MYO1H: variants seen among roughly 807,000 people sequenced by gnomAD.
The protein encoded by MYO1H is unconventional myosin-Ih.
A neutral mutation model predicts 149.3 loss-of-function variants in MYO1H; 118 were observed. The observed-to-expected ratio is 0.79, with a 90% CI of 0.68 to 0.92. The LOEUF (loss-of-function observed/expected upper bound fraction) is 0.92, where lower values mean the gene tolerates loss of function less well. Among genes scored for constraint, MYO1H ranks in the 40% least tolerant of loss-of-function variants. The pLI, the probability that MYO1H is intolerant of heterozygous loss-of-function variation, is 0.00. For missense variants in MYO1H, 1,212 were observed against 1,280.7 expected, an observed-to-expected ratio of 0.95 and a Z score of 0.82; for synonymous variants, 447 against 465.2, an observed-to-expected ratio of 0.96 and a Z score of 0.50.
intron 5 of MYO1H, among the ~76,000 whole-genome samples, chr12:109,399,366 C>A (rs555768388): frequency 3.9e-4 from 57 of 145,904 alleles, no homozygotes; most frequent in Non-Finnish European, 7.1e-4. Flanking sequence ...CCGAGGTGGG[C>A]AGATCACCCG....
rs563872079 is a variant in MYO1H, at chr12:109,394,527, C to A, written c.290+1081C>A. 1.5e-3 allele frequency among the ~76,000 whole-genome samples: 221 copies of A among 152,144 alleles called. 1 individual carries two copies. Among genetic ancestry groups the A allele is most frequent in the African/African-American group, 5.1e-3 (213 of 41,512 alleles). ...AACCCATATTTTCTGCTAAATAATG[C>A]CATTTGTTTGTCACTATGCCTGATT... On this transcript the variant is annotated intron_variant, in intron 3 of 31. Transcript: ENST00000310903.
the MYO1H span, among the ~76,000 whole-genome samples, chr12:109,313,580 A>T: frequency 2.6e-5 from 4 of 152,112 alleles, no homozygotes; most frequent in African/African-American, 7.2e-5. Flanking sequence ...AGGATGCTAA[A>T]CCCTTGGATG....
At chr12:109,365,319 G>T (rs867366988) in intron 1 of MYO1H, among the ~76,000 whole-genome samples, 1 of 152,274 alleles carries the variant, frequency 6.6e-6, no homozygotes. Context: ...ACAGGAACCA[G>T]CAACTGAACT....
rs139311012 is a variant in MYO1H at position 109,358,385 on chromosome 12, G to A, written c.12+10413G>A. On this transcript the variant is annotated intron_variant, in intron 1 of 31. Transcript: ENST00000310903. Reference sequence around the variant, plus strand: ...GAAACAATAATCTACCCTTTTTGACGGTATAATCAAGTTGATCTCTTTTGG... The same window carrying A: ...GAAACAATAATCTACCCTTTTTGACAGTATAATCAAGTTGATCTCTTTTGG... Among the ~76,000 whole-genome samples, 217 of 151,994 alleles carry A rather than the reference G, an allele frequency of 1.4e-3. 2 individuals carry two copies. The highest frequency in any genetic ancestry group is 4.9e-3 in the African/African-American group (202 of 41,462).
chr12:109,341,850 A>G, the MYO1H span, among the ~76,000 whole-genome samples: 1 of 152,028 alleles, frequency 6.6e-6, no homozygotes, highest in Non-Finnish European at 1.5e-5. Context: ...TACAAGTGTG[A>G]TGTGTAGTCT....
intron 1 of MYO1H, among the ~76,000 whole-genome samples, chr12:109,368,510 G>A (rs1868914975): frequency 6.6e-6 from 1 of 151,996 alleles, no homozygotes; most frequent in African/African-American, 2.4e-5. Context: ...ATAAAAATTA[G>A]CCAGGTGCAG....
At chr12:109,400,417 T>TA (rs1870114624) in intron 5 of MYO1H, among the ~76,000 whole-genome samples, 1 of 152,222 alleles carries the variant, frequency 6.6e-6, no homozygotes, top group African/African-American at 2.4e-5. Flanking sequence ...CACTGTGATT[T>TA]AAGTTTGTAT....
chr12:109,420,844 A>C, intron 15 of MYO1H, 137 bp from the exon 16 acceptor site: 1 of 670,774 alleles, frequency 1.5e-6, no homozygotes, highest in Non-Finnish European at 2.7e-6. Flanking sequence ...CCAAATACCC[A>C]TAGTGCCAAG....
chr12:109,413,809 C>G (rs1279368206), intron 14 of MYO1H, among the ~76,000 whole-genome samples: 1 of 152,100 alleles, frequency 6.6e-6, no homozygotes, highest in Non-Finnish European at 1.5e-5. Flanking sequence ...ACTCAGGAGG[C>G]TGAGGCAGGA....
intron 3 of MYO1H, 93 bp downstream of exon 3, chr12:109,393,539 TCATCCATC>T (rs71079557): frequency 1.1e-4 from 78 of 680,954 alleles, no homozygotes; most frequent in African/African-American, 3.1e-4. Flanking sequence ...GTCCATCCAT[TCATCCATC>T]CATCCATCCA....
the MYO1H span, among the ~76,000 whole-genome samples, chr12:109,312,427 G>T: frequency 6.7e-6 from 1 of 149,996 alleles, no homozygotes; most frequent in Non-Finnish European, 1.5e-5. Context: ...AGTAGAGACG[G>T]GGTTTCACTG....
intron 17 of MYO1H, 82 bp downstream of exon 17, chr12:109,424,910 C>A: frequency 1.9e-6 from 2 of 1,027,206 alleles, no homozygotes; most frequent in South Asian, 1.3e-5. Context: ...TTTTAAGCCA[C>A]CTTCCCCTTT....
At chr12:109,312,784 TG>T in the MYO1H span, among the ~76,000 whole-genome samples, 1 of 102,996 alleles carries the variant, frequency 9.7e-6, no homozygotes, top group African/African-American at 5.0e-5. Context: ...TTTTTTGTTT[TG>T]TTTTGTTTTT....
At chr12:109,334,689 T>TTCTTA in the MYO1H span, among the ~76,000 whole-genome samples, 1 of 152,190 alleles carries the variant, frequency 6.6e-6, no homozygotes, top group Non-Finnish European at 1.5e-5. Flanking sequence ...ATTTTCCCTC[T>TTCTTA]TCTTATATTT....
At chr12:109,401,042 A>C in intron 5 of MYO1H, 51 bp from the exon 6 acceptor site, 1 of 1,537,424 alleles carries the variant, frequency 6.5e-7, no homozygotes, top group Non-Finnish European at 8.9e-7. Context: ...GATGCCAGGA[A>C]GAGAGTGGTT....
At chr12:109,397,390 T>TG (rs2137044856) in intron 4 of MYO1H, among the ~76,000 whole-genome samples, 1 of 152,232 alleles carries the variant, frequency 6.6e-6, no homozygotes, top group African/African-American at 2.4e-5. Flanking sequence ...AGAGCAACGG[T>TG]GGTATAAAAA....
chr12:109,347,765 C>T (rs762311644), upstream of MYO1H: 6 of 391,178 alleles, frequency 1.5e-5, no homozygotes, highest in Non-Finnish European at 2.7e-5. Flanking sequence ...CCCGGTGTGC[C>T]TACATGTAGA....
chr12:109,317,230 C>A, the MYO1H span, among the ~76,000 whole-genome samples: 1 of 152,194 alleles, frequency 6.6e-6, no homozygotes, highest in South Asian at 2.1e-4. Flanking sequence ...CACACTTATA[C>A]GCACAATCTT....
chr12:109,417,901 C>T (rs542383945), intron 15 of MYO1H, among the ~76,000 whole-genome samples: 9 of 151,860 alleles, frequency 5.9e-5, no homozygotes, highest in Admixed American at 1.3e-4. Context: ...CTGCAAGCTC[C>T]GCCTCCCGGA....
Sources: allele counts gnomAD v4.1 joint callset (sites outside exome capture counted in the v4.1 genomes callset), GRCh38; gene constraint gnomAD v4.1.1; transcripts MANE v1.5; gene names NCBI Gene and HGNC (gene_info 2026-07-23, HGNC 2026-07-21).